Variants in RCAN2 observed in about 807,000 individuals in gnomAD.
RCAN2 encodes regulator of calcineurin 2, also known as calcipressin-2.
In RCAN2, 9 loss-of-function variants were observed where a neutral mutation model predicts 23.6. The observed-to-expected ratio is 0.38, with a 90% confidence interval of 0.23 to 0.67. The LOEUF (loss-of-function observed/expected upper bound fraction) is 0.67. RCAN2 is among the 30% of genes least tolerant of loss of function. The pLI is 0.51. For synonymous variants in RCAN2, 109 were observed against 115.7 expected, an observed-to-expected ratio of 0.94 and a Z score of 0.37; for missense variants, 273 against 302.3, an observed-to-expected ratio of 0.90 and a Z score of 0.72.
chr6:46,398,591 C>T (rs891690779), intron 2 of RCAN2, among the ~76,000 whole-genome samples: 1 of 152,000 alleles, frequency 6.6e-6, no homozygotes, highest in Non-Finnish European at 1.5e-5. Context: ...GTTTAACAAG[C>T]CCCACTGTCC....
intron 2 of RCAN2, among the ~76,000 whole-genome samples, chr6:46,347,438 A>G (rs145274876): frequency 3.1e-4 from 47 of 152,314 alleles, no homozygotes; most frequent in African/African-American, 1.1e-3. Context: ...AGAAAATGGC[A>G]TTGGTGTTAG....
intron 2 of RCAN2, among the ~76,000 whole-genome samples, chr6:46,321,821 A>G (rs1030523128): frequency 3.9e-5 from 6 of 152,214 alleles, no homozygotes; most frequent in Non-Finnish European, 7.3e-5. Context: ...AACATTTCTG[A>G]CAGCTCAGAG....
intron 1 of RCAN2, among the ~76,000 whole-genome samples, chr6:46,478,846 T>G (rs1360829248): frequency 6.6e-6 from 1 of 152,224 alleles, no homozygotes; most frequent in Non-Finnish European, 1.5e-5. Flanking sequence ...CTTCTCTGCT[T>G]AAGTGAGGCT....
intron 2 of RCAN2, among the ~76,000 whole-genome samples, chr6:46,284,624 A>G (rs1377514624): frequency 6.6e-6 from 1 of 152,202 alleles, no homozygotes; most frequent in African/African-American, 2.4e-5. Context: ...GTGGTCCTCA[A>G]GCTTTTCTGC....
At chr6:46,259,194 A>G (rs1335183516) in intron 2 of RCAN2, among the ~76,000 whole-genome samples, 1 of 152,164 alleles carries the variant, frequency 6.6e-6, no homozygotes, top group African/African-American at 2.4e-5. Flanking sequence ...TCAAAACAAA[A>G]ACAAAAACAA....
chr6:46,308,996 T>C (rs943221130), intron 2 of RCAN2, among the ~76,000 whole-genome samples: 1 of 152,036 alleles, frequency 6.6e-6, no homozygotes, highest in Non-Finnish European at 1.5e-5. Context: ...AAAGCCTTAA[T>C]TAAGGAGGTC....
chr6:46,432,265 G>A (rs1228824848), intron 2 of RCAN2, among the ~76,000 whole-genome samples: 2 of 152,108 alleles, frequency 1.3e-5, no homozygotes, highest in Non-Finnish European at 2.9e-5. Context: ...CCAGGCTGGT[G>A]TGCAATAGTG....
chr6:46,358,521 G>A lies in RCAN2; in HGVS notation c.225+98231C>T, dbSNP rs147897731. Among the ~76,000 whole-genome samples the A allele has an allele frequency of 8.5e-4, 130 of 152,280 alleles. 1 individual carries two copies. The highest frequency in any genetic ancestry group is 1.5e-3 in the Non-Finnish European group (103 of 68,024). ...GGAACATCAGCAGGAACTAAGCCCT[G>A]ATCATGGGCTTTTGGGGAAGAATTT... On this transcript the variant is annotated intron_variant, in intron 2 of 4. Transcript: ENST00000371374.
chr6:46,462,878 G>T (rs768378619), intron 1 of RCAN2, among the ~76,000 whole-genome samples: 1 of 152,190 alleles, frequency 6.6e-6, no homozygotes, highest in Non-Finnish European at 1.5e-5. Flanking sequence ...TAGGAATTGG[G>T]TATAACTCAT....
At chr6:46,409,806 T>C (rs1224968200) in intron 2 of RCAN2, among the ~76,000 whole-genome samples, 2 of 152,204 alleles carry the variant, frequency 1.3e-5, no homozygotes, top group East Asian at 3.8e-4. Flanking sequence ...ATAGTTAATT[T>C]TAGGTGTTAA....
chr6:46,330,441 T>C (rs140315995), intron 2 of RCAN2, among the ~76,000 whole-genome samples: 97 of 152,334 alleles, frequency 6.4e-4, no homozygotes, highest in Non-Finnish European at 1.2e-3. Context: ...TATCATTTCA[T>C]TTATAAATAT....
At chr6:46,392,264 G>A (rs778831287) in intron 2 of RCAN2, among the ~76,000 whole-genome samples, 33 of 152,226 alleles carry the variant, frequency 2.2e-4, no homozygotes, top group Non-Finnish European at 2.8e-4. Flanking sequence ...TATCATAGGG[G>A]CAGCAAGTCA....
intron 2 of RCAN2, among the ~76,000 whole-genome samples, chr6:46,284,091 T>C (rs146684571): frequency 1.1e-3 from 165 of 151,870 alleles, no homozygotes; most frequent in African/African-American, 3.8e-3. Context: ...TACTTGATAA[T>C]TTTTTTTTAA....
At chr6:46,414,440 T>C (rs183578921) in intron 2 of RCAN2, among the ~76,000 whole-genome samples, 1 of 152,346 alleles carries the variant, frequency 6.6e-6, no homozygotes, top group African/African-American at 2.4e-5. Context: ...TCTTGAAAGA[T>C]GGCTATGATG....
intron 2 of RCAN2, among the ~76,000 whole-genome samples, chr6:46,362,145 A>G (rs1194488121): frequency 6.6e-6 from 1 of 152,172 alleles, no homozygotes. Flanking sequence ...GGAAGACCCA[A>G]CTTAGGGTAG....
chr6:46,413,773 A>C (rs1766618831), intron 2 of RCAN2, among the ~76,000 whole-genome samples: 1 of 152,164 alleles, frequency 6.6e-6, no homozygotes, highest in Non-Finnish European at 1.5e-5. Flanking sequence ...ACACAGTTTG[A>C]ACCACTTCTT....
At chr6:46,452,780 A>T (rs115348781) in intron 2 of RCAN2, among the ~76,000 whole-genome samples, 2,829 of 152,288 alleles carry the variant, frequency 0.019, 81 homozygotes, top group African/African-American at 0.065. Flanking sequence ...TTTGCTGCTG[A>T]TGTTATAATT....
At chr6:46,231,763 C>T (rs557289253) in intron 4 of RCAN2, among the ~76,000 whole-genome samples, 1 of 152,292 alleles carries the variant, frequency 6.6e-6, no homozygotes, top group East Asian at 1.9e-4. Flanking sequence ...CCATACCCTG[C>T]TGAGAGTGTG....
intron 2 of RCAN2, among the ~76,000 whole-genome samples, chr6:46,288,128 C>T (rs1284236786): frequency 6.6e-6 from 1 of 152,146 alleles, no homozygotes; most frequent in African/African-American, 2.4e-5. Context: ...TAGCAGACTC[C>T]CTCTTTTTGC....
Sources: allele counts gnomAD v4.1 joint callset (sites outside exome capture counted in the v4.1 genomes callset), GRCh38; gene constraint gnomAD v4.1.1; transcripts MANE v1.5; gene names NCBI Gene and HGNC (gene_info 2026-07-23, HGNC 2026-07-21).